Variants in MTUS1 observed in about 807,000 individuals in gnomAD.
MTUS1 encodes microtubule-associated tumor suppressor 1.
MTUS1 carries 109 observed loss-of-function variants against 120.8 expected under a neutral mutation model. The ratio of observed to expected loss-of-function variants is 0.90; its 90% CI spans 0.77 to 1.06. The LOEUF (loss-of-function observed/expected upper bound fraction) is 1.06, where lower values mean the gene tolerates loss of function less well. MTUS1 is among the 50% of genes least tolerant of loss of function. The pLI, the probability that MTUS1 is intolerant of heterozygous loss-of-function variation, is 0.00. For synonymous variants in MTUS1, 737 were observed against 550.5 expected (o/e 1.34, Z -4.74); for missense variants, 2,210 against 1,486.3 (o/e 1.49, Z -8.01).
At chr8:17,757,786 C>T (rs544094601) in intron 1 of MTUS1, among the ~76,000 whole-genome samples, 2 of 152,162 alleles carry the variant, frequency 1.3e-5, no homozygotes, top group Non-Finnish European at 2.9e-5. Flanking sequence ...CTCGGCCTCC[C>T]AAAGCACTGG....
rs138098835 is a variant in MTUS1 at position 17,784,378 on chromosome 8, C to A, written c.-155+16683G>T. 5.3e-5 allele frequency among the ~76,000 whole-genome samples: 8 copies of A among 151,344 alleles called. No individual in the cohort carries two copies. In the East Asian group the frequency reaches 1.6e-3, roughly 30 times the overall value. ...TGTCGCCATCTCGGCTCACTGCAAC[C>A]TCCACCTCCCACATTGAAGTGATTC... is the stretch of plus-strand genomic sequence containing the variant. On this transcript the variant is annotated intron_variant, in intron 1 of 14. Coordinates refer to ENST00000693296, the MANE Select transcript of MTUS1 (RefSeq NM_001363059.2).
chr8:17,799,924 G>T, intron 1 of MTUS1, among the ~76,000 whole-genome samples: 1 of 150,834 alleles, frequency 6.6e-6, no homozygotes, highest in Admixed American at 6.6e-5. Context: ...TTTCCTAATG[G>T]AATATATTGC....
rs763629319 is a variant in MTUS1 at position 17,754,176 on chromosome 8, T to C, written c.1632A>G (p.Ser544=). 43 of 1,613,910 alleles carry C rather than the reference T, an allele frequency of 2.7e-5. 1 individual carries two copies. Among genetic ancestry groups the C allele is most frequent in the Non-Finnish European group, 3.6e-5 (43 of 1,180,042 alleles). The change falls in exon 2 of 15, where the codon TCA becomes TCG. Residue 544 remains serine (S), a synonymous_variant. Coordinates refer to ENST00000693296, the MANE Select transcript of MTUS1 (RefSeq NM_001363059.2). ...PQQTSASSPS[S]VNSRQQTVLS... ...AGACTGTTTGTTGTCTTGAATTCAC[T>C]GATGAGGGTGATGAGGCACTGGTCT... is the stretch of plus-strand genomic sequence containing the variant.
At position 17,713,230 on chromosome 8, in the gene MTUS1, A is replaced by G. The variant is rs1821683019; in HGVS notation, c.2607T>C (p.Phe869=). ...PPKGPSRKNL[F]TALNAVEKSR... is the part of the protein sequence containing the mutation. ...GTCACTCACCTGCATTAAGAGCTGT[A>G]AATAAATTTTTTCTCGAAGGACCTA... Residue 869 remains phenylalanine, a synonymous_variant, in exon 6 of 15, where the codon TTT becomes TTC. Transcript: ENST00000693296. 6.3e-7 allele frequency: 1 copy of G among 1,598,952 alleles called. No individual in the cohort carries two copies. The highest frequency in any genetic ancestry group is 1.1e-5 in the South Asian group (1 of 89,546).
At position 17,701,714 on chromosome 8, in the gene MTUS1, AT is replaced by A. The variant is rs550178014; in HGVS notation, c.2623+11499del. Among the ~76,000 whole-genome samples the A allele has an allele frequency of 2.7e-4, 41 of 151,652 alleles. 1 individual carries two copies. The South Asian group carries it at 7.1e-3, about 26-fold the overall frequency. ...AGGCGCCCGCCACCACGCCTGACTA[AT>A]TTTTTTTGTATTTTTAGTAGAGACA... On this transcript the variant is annotated intron_variant, in intron 6 of 14. Coordinates refer to ENST00000693296, the MANE Select transcript of MTUS1 (RefSeq NM_001363059.2).
chr8:17,754,577 G>T lies in MTUS1; in HGVS notation c.1231C>A (p.Leu411Met). Residue 411 changes from leucine to methionine, a missense_variant, in exon 2 of 15, where the codon CTG (leucine) becomes ATG (methionine). Coordinates refer to ENST00000693296, the MANE Select transcript of MTUS1 (RefSeq NM_001363059.2). Reference sequence around the variant, plus strand: ...ACCATATCATTTGCATCCCAAGTCAGTCCAAATGACGAGCCCACCTTTTGT... The same window carrying T: ...ACCATATCATTTGCATCCCAAGTCATTCCAAATGACGAGCCCACCTTTTGT... ...PGQKVGSSFG[L>M]TWDANDMVIS... is the part of the protein sequence containing the mutation. The T allele has an allele frequency of 6.2e-7, 1 of 1,614,176 alleles. No homozygotes were observed. The highest frequency in any genetic ancestry group is 8.5e-7 in the Non-Finnish European group (1 of 1,180,030).
chr8:17,730,033 A>G (rs950146019), intron 3 of MTUS1, among the ~76,000 whole-genome samples: 16 of 151,896 alleles, frequency 1.1e-4, no homozygotes, highest in African/African-American at 3.9e-4. Flanking sequence ...AAGTGTTGGC[A>G]AGGACACGGA....
intron 1 of MTUS1, among the ~76,000 whole-genome samples, chr8:17,783,890 A>G (rs1015423971): frequency 2.6e-5 from 4 of 152,194 alleles, no homozygotes; most frequent in Admixed American, 2.6e-4. Flanking sequence ...CAATTCCCAA[A>G]GACCTATGGG....
In MTUS1 at chr8:17,653,512, C is replaced by G. The variant is rs575424408; in HGVS notation, c.3215-14G>C. The G allele has an allele frequency of 6.3e-7, 1 of 1,587,418 alleles. No homozygotes were observed. The highest frequency in any genetic ancestry group is 8.6e-7 in the Non-Finnish European group (1 of 1,159,406). ...CTTTCTTAATTTCTGGGAAAATAAA[C>G]GGATATTTTTGAGGCAATAACATTC... On this transcript the variant is annotated splice_polypyrimidine_tract_variant and intron_variant, in intron 10 of 14. Coordinates refer to ENST00000693296, the MANE Select transcript of MTUS1 (RefSeq NM_001363059.2).
intron 8 of MTUS1, among the ~76,000 whole-genome samples, chr8:17,662,349 ATTT>A (rs35308070): frequency 0.026 from 2,956 of 112,466 alleles, 46 homozygotes; most frequent in African/African-American, 0.052. Context: ...TTTTGTCCCT[ATTT>A]TTTTTTTTTT....
At chr8:17,689,294 C>T (rs1474136095) in intron 6 of MTUS1, among the ~76,000 whole-genome samples, 2 of 152,186 alleles carry the variant, frequency 1.3e-5, no homozygotes, top group East Asian at 1.9e-4. Flanking sequence ...TAGGATGCCT[C>T]ACCATTTAAA....
At chr8:17,675,484 G>A (rs1251554515) in intron 7 of MTUS1, among the ~76,000 whole-genome samples, 4 of 152,174 alleles carry the variant, frequency 2.6e-5, no homozygotes, top group African/African-American at 9.7e-5. Flanking sequence ...TTGGTTTGAC[G>A]CAGTGAATGG....
chr8:17,689,367 A>G lies in MTUS1; in HGVS notation c.2624-4825T>C, dbSNP rs371828638. On this transcript the variant is annotated intron_variant, in intron 6 of 14. Coordinates refer to ENST00000693296, the MANE Select transcript of MTUS1 (RefSeq NM_001363059.2). ...CTCATATTATATCAAAAAGGGTTCT[A>G]CTTCTTTTCTTCACATTAAAAGCAG... Among the ~76,000 whole-genome samples, 523 of 151,266 alleles carry G rather than the reference A, an allele frequency of 3.5e-3. 7 individuals are homozygous for G. The highest frequency in any genetic ancestry group is 0.013 in the African/African-American group (509 of 40,574).
intron 1 of MTUS1, among the ~76,000 whole-genome samples, chr8:17,780,212 A>AC (rs1455880833): frequency 1.3e-5 from 2 of 151,174 alleles, no homozygotes; most frequent in Admixed American, 1.3e-4. Flanking sequence ...AAAGTGTGGT[A>AC]CCTCCCCCGT....
rs574934419 is a variant in MTUS1, at chr8:17,645,923, G to A, written c.*3C>T. ...CAGAGAGTCTGTGGACTTTGGGGAG[G>A]TGTCATCTGGGTGAAATGCTGGGGC... On this transcript the variant is annotated 3_prime_UTR_variant, in exon 15 of 15. Coordinates refer to ENST00000693296, the MANE Select transcript of MTUS1 (RefSeq NM_001363059.2). 77 of 1,609,858 alleles carry A rather than the reference G, an allele frequency of 4.8e-5. 1 individual carries two copies. The Admixed American group carries it at 5.7e-4, about 12-fold the overall frequency.
At chr8:17,719,184 G>C (rs928012602) in intron 4 of MTUS1, among the ~76,000 whole-genome samples, 1 of 151,942 alleles carries the variant, frequency 6.6e-6, no homozygotes, top group Non-Finnish European at 1.5e-5. Flanking sequence ...AAAAAGAAAA[G>C]GGCTTCTCAT....
intron 1 of MTUS1, among the ~76,000 whole-genome samples, chr8:17,763,441 C>T (rs149394678): frequency 1.3e-5 from 2 of 152,208 alleles, no homozygotes; most frequent in East Asian, 3.9e-4. Context: ...TCGGCTTATT[C>T]CTTCCACGTG....
At chr8:17,789,595 TTA>T (rs973369083) in intron 1 of MTUS1, among the ~76,000 whole-genome samples, 2 of 152,154 alleles carry the variant, frequency 1.3e-5, no homozygotes, top group Non-Finnish European at 2.9e-5. Flanking sequence ...GAAAATGTCT[TTA>T]TGTGTGTGTA....
intron 1 of MTUS1, among the ~76,000 whole-genome samples, chr8:17,768,890 G>A (rs1017517355): frequency 6.6e-6 from 1 of 151,968 alleles, no homozygotes; most frequent in African/African-American, 2.4e-5. Context: ...ACAATTAATG[G>A]TATTTTGTTT....
Sources: gnomAD v4.1 joint callset for allele counts (sites outside exome capture counted in the v4.1 genomes callset) on GRCh38, gnomAD v4.1.1 for gene constraint, MANE v1.5 for transcripts, NCBI Gene and HGNC (gene_info 2026-07-23, HGNC 2026-07-21) for gene names.